The following SOX5 variants were observed in gnomAD, a reference collection of about 807,000 sequenced individuals.
The protein encoded by SOX5 is transcription factor SOX-5.
In SOX5, 9 loss-of-function variants were observed where a neutral mutation model predicts 92.0. The ratio of observed to expected loss-of-function variants is 0.10; its 90% CI spans 0.06 to 0.17. The LOEUF is 0.17. SOX5 is among the 10% of genes least tolerant of loss of function. The probability of loss-of-function intolerance (pLI) is 1.00; values close to 1 mark genes in which losing one functional copy is unlikely to be tolerated. For missense variants in SOX5, 642 were observed against 944.5 expected, an observed-to-expected ratio of 0.68 and a Z score of 4.20; for synonymous variants, 344 against 336.3, an observed-to-expected ratio of 1.02 and a Z score of -0.25.
At chr12:24,082,826 A>G (rs1441719187) in intron 4 of SOX5, among the ~76,000 whole-genome samples, 1 of 151,830 alleles carries the variant, frequency 6.6e-6, no homozygotes, top group African/African-American at 2.4e-5. Flanking sequence ...TCCTCTTACT[A>G]TTAATATACT....
chr12:24,025,412 G>A (rs1329382137), intron 4 of SOX5, among the ~76,000 whole-genome samples: 1 of 152,084 alleles, frequency 6.6e-6, no homozygotes, highest in East Asian at 1.9e-4. Flanking sequence ...AGAAAGAATT[G>A]AAAGTTACTA....
chr12:24,345,953 T>C (rs1429984986), intron 2 of SOX5, among the ~76,000 whole-genome samples: 1 of 152,214 alleles, frequency 6.6e-6, no homozygotes, highest in Non-Finnish European at 1.5e-5. Context: ...CTACTACACA[T>C]TAGTGTCAAC....
chr12:24,439,814 G>A lies in SOX5; in HGVS notation c.-250-71175C>T, dbSNP rs550314998. Among the ~76,000 whole-genome samples, 47 of 152,186 alleles carry A rather than the reference G, an allele frequency of 3.1e-4. 1 individual carries two copies. The highest frequency in any genetic ancestry group is 8.5e-4 in the Admixed American group (13 of 15,282). ...GGAGGCTGAGGCAGGAGAATGGTGT[G>A]AACCCAGGAGGCGGAGCTTGCAGCA... On this transcript the variant is annotated intron_variant, in intron 1 of 4. Transcript: ENST00000446891.
chr12:24,388,220 C>T (rs1958621128), intron 1 of SOX5, among the ~76,000 whole-genome samples: 1 of 152,166 alleles, frequency 6.6e-6, no homozygotes, highest in African/African-American at 2.4e-5. Context: ...CTCTACTGGT[C>T]TCAGTTTTGG....
Position 24,307,200 on chromosome 12 carries a change from TC to T in SOX5, c.-173-29889del, listed in dbSNP as rs1199618550. On this transcript the variant is annotated intron_variant, in intron 2 of 4. Transcript: ENST00000446891. ...CTTTCACACACGTCGTCTCATTTCA[TC>T]CCCACCAGGGTCCTCTGAAAGAGGC... is the stretch of plus-strand genomic sequence containing the variant. 2.0e-5 allele frequency among the ~76,000 whole-genome samples: 3 copies of T among 152,174 alleles called. No individual in the cohort carries two copies. The East Asian group carries it at 5.8e-4, about 29-fold the overall frequency.
intron 11 of SOX5, among the ~76,000 whole-genome samples, chr12:23,553,409 C>T (rs1944566525): frequency 6.6e-6 from 1 of 151,870 alleles, no homozygotes; most frequent in Non-Finnish European, 1.5e-5. Flanking sequence ...AGAAAAGCTA[C>T]TCAAAAGAAT....
chr12:23,587,019 T>A (rs1950848439), intron 9 of SOX5, among the ~76,000 whole-genome samples: 1 of 151,632 alleles, frequency 6.6e-6, no homozygotes, highest in Admixed American at 6.6e-5. Flanking sequence ...GAGAGCTAGT[T>A]TTTAAGGAAG....
intron 4 of SOX5, among the ~76,000 whole-genome samples, chr12:24,110,951 C>CTGA (rs1257276360): frequency 2.1e-5 from 3 of 145,734 alleles, no homozygotes; most frequent in African/African-American, 7.5e-5. Flanking sequence ...TTAAAGAATC[C>CTGA]TGATGACTTC....
intron 1 of SOX5, among the ~76,000 whole-genome samples, chr12:23,900,755 C>G (rs1177730323): frequency 6.6e-6 from 1 of 151,998 alleles, no homozygotes; most frequent in East Asian, 1.9e-4. Context: ...ATGGGTGGAT[C>G]ACGAGGTCAG....
chr12:24,432,070 C>T (rs758914342), intron 1 of SOX5, among the ~76,000 whole-genome samples: 17 of 152,108 alleles, frequency 1.1e-4, no homozygotes, highest in Non-Finnish European at 2.4e-4. Flanking sequence ...CTCAGGAATC[C>T]CAAAGATTGG....
At chr12:23,698,841 T>C (rs529374388) in intron 6 of SOX5, among the ~76,000 whole-genome samples, 1 of 152,338 alleles carries the variant, frequency 6.6e-6, no homozygotes, top group African/African-American at 2.4e-5. Context: ...CTGGAATAGC[T>C]ATTAGACTAA....
At chr12:24,475,328 AC>A (rs1217735582) in intron 1 of SOX5, among the ~76,000 whole-genome samples, 11 of 152,242 alleles carry the variant, frequency 7.2e-5, no homozygotes, top group African/African-American at 2.7e-4. Context: ...TCCATTAAAA[AC>A]AAAACATGGT....
intron 4 of SOX5, among the ~76,000 whole-genome samples, chr12:24,153,316 G>A (rs541230213): frequency 6.0e-4 from 92 of 152,204 alleles, no homozygotes; most frequent in African/African-American, 2.1e-3. Flanking sequence ...GAGAAGGAGG[G>A]GGTGCCCTTC....
rs201768097 is a variant in SOX5 at position 24,078,273 on chromosome 12, CT to C, written c.-2+135069del. ...TATGGAAGAGGGGAGAGAGAGAGAA[CT>C]TTGTGAAGTGGGCGTGATAATACAG... On this transcript the variant is annotated intron_variant, in intron 4 of 4. Transcript: ENST00000446891. Among the ~76,000 whole-genome samples, 4 of 151,774 alleles carry C rather than the reference CT, an allele frequency of 2.6e-5. No homozygotes were observed. The East Asian group carries it at 7.8e-4, about 29-fold the overall frequency.
chr12:23,680,034 T>C (rs1391880658), intron 6 of SOX5, among the ~76,000 whole-genome samples: 2 of 150,222 alleles, frequency 1.3e-5, no homozygotes, highest in African/African-American at 4.9e-5. Context: ...AAATGAAAAA[T>C]ATAATAACAG....
intron 8 of SOX5, among the ~76,000 whole-genome samples, chr12:23,624,123 T>G (rs2077488706): frequency 1.3e-5 from 2 of 151,850 alleles, no homozygotes; most frequent in Non-Finnish European, 2.9e-5. Flanking sequence ...TAACAAGAGG[T>G]GCCTAGAACA....
At position 23,762,443 on chromosome 12, in the gene SOX5, A is replaced by G. The variant is rs1210851381; in HGVS notation, c.482-6719T>C. 1.7e-5 allele frequency: 7 copies of G among 401,398 alleles called. No homozygotes were observed. In the South Asian group the frequency reaches 6.9e-4, roughly 40 times the overall value. 24.9% of individuals were successfully genotyped at this position (401,398 alleles called of 1,614,324 possible). ...TCGTAATATAACACATACCACAACA[A>G]ACAATAGAAACACACAAGAAACTCC... is the stretch of plus-strand genomic sequence containing the variant. On this transcript the variant is annotated intron_variant, in intron 3 of 14. Coordinates refer to ENST00000451604, the MANE Select transcript of SOX5 (RefSeq NM_006940.6).
chr12:24,459,449 T>G (rs1461689004), intron 1 of SOX5, among the ~76,000 whole-genome samples: 1 of 152,194 alleles, frequency 6.6e-6, no homozygotes, highest in Non-Finnish European at 1.5e-5. Context: ...ATCAATTTCT[T>G]GTGCTAAATA....
chr12:23,644,401 G>T (rs533324947), intron 7 of SOX5, among the ~76,000 whole-genome samples: 1 of 152,304 alleles, frequency 6.6e-6, no homozygotes, highest in African/African-American at 2.4e-5. Context: ...AATGTTTGTT[G>T]TCTTAAGGCA....
Sources: allele counts gnomAD v4.1 joint callset (sites outside exome capture counted in the v4.1 genomes callset), GRCh38; gene constraint gnomAD v4.1.1; transcripts MANE v1.5; gene names NCBI Gene and HGNC (gene_info 2026-07-23, HGNC 2026-07-21).